The following ASB14 variants were observed in gnomAD, a reference collection of about 807,000 sequenced individuals.
The protein encoded by ASB14 is ankyrin repeat and SOCS box containing 14.
ASB14 carries 63 observed loss-of-function variants against 55.6 expected under a neutral mutation model. The ratio of observed to expected loss-of-function variants is 1.13; its 90% CI spans 0.92 to 1.40. The LOEUF (loss-of-function observed/expected upper bound fraction) is 1.40, where lower values mean the gene tolerates loss of function less well. Among genes scored for constraint, ASB14 ranks in the 40% most tolerant of loss-of-function variants. ASB14 has a pLI of 0.00. For synonymous variants in ASB14, 256 were observed against 259.9 expected (o/e 0.98, Z 0.15); for missense variants, 724 against 710.4 (o/e 1.02, Z -0.22).
chr3:57,289,552 A>G (rs1303048668), intron 2 of ASB14, among the ~76,000 whole-genome samples: 1 of 152,174 alleles, frequency 6.6e-6, no homozygotes, highest in African/African-American at 2.4e-5. Context: ...TCAGTATTAA[A>G]AAATATTCAC....
At chr3:57,289,438 A>G (rs912539650) in intron 2 of ASB14, among the ~76,000 whole-genome samples, 5 of 152,182 alleles carry the variant, frequency 3.3e-5, no homozygotes, top group Non-Finnish European at 7.4e-5. Context: ...AAGCCTGCCT[A>G]TGACTGAAAT....
chr3:57,283,034 T>C (rs2061051169), intron 6 of ASB14, 160 bp downstream of exon 6: 6 of 1,071,022 alleles, frequency 5.6e-6, no homozygotes, highest in Non-Finnish European at 7.8e-6. Context: ...TCAGTCTTTA[T>C]GTTAGGCTTC....
intron 2 of ASB14, among the ~76,000 whole-genome samples, chr3:57,289,899 G>A (rs571837570): frequency 3.2e-4 from 49 of 151,798 alleles, no homozygotes; most frequent in Non-Finnish European, 3.1e-4. Flanking sequence ...TGCTCGCCTC[G>A]GCCTCCCAAA....
intron 3 of ASB14, 104 bp downstream of exon 3, chr3:57,288,964 C>T (rs2061104862): frequency 2.4e-6 from 2 of 834,964 alleles, no homozygotes; most frequent in East Asian, 3.0e-5. Flanking sequence ...GCGATCCACC[C>T]ACCTTGGCCT....
At chr3:57,280,701 G>C (rs2061033489) in intron 6 of ASB14, among the ~76,000 whole-genome samples, 1 of 152,140 alleles carries the variant, frequency 6.6e-6, no homozygotes, top group African/African-American at 2.4e-5. Flanking sequence ...GTTAGTTTTT[G>C]AAGTAATTTG....
Position 57,277,726 on chromosome 3 carries a change from A to G in ASB14, c.1585+41T>C, listed in dbSNP as rs2061001085. ...AAAACAACCAAATAAGAATACAATT[A>G]GTACTTTTGTAAAAAGTCATTCTAT... On this transcript the variant is annotated intron_variant, in intron 9 of 10. Coordinates refer to ENST00000487349, the MANE Select transcript of ASB14 (RefSeq NM_001142733.3). The G allele has an allele frequency of 5.9e-6, 9 of 1,531,050 alleles. No individual in the cohort carries two copies. In the East Asian group the frequency reaches 1.8e-4, roughly 31 times the overall value. The allele number at this position is 1,531,050 out of a possible 1,614,324, so 94.8% of individuals were successfully genotyped here. A position where few individuals can be genotyped will look rare whatever the true frequency, so the allele number is the denominator to read the frequency against.
At chr3:57,283,460 T>C in intron 5 of ASB14, 21 bp from the exon 6 acceptor site, 2 of 1,547,290 alleles carry the variant, frequency 1.3e-6, no homozygotes, top group Non-Finnish European at 8.7e-7. Context: ...AGAAGTGTGG[T>C]GGGCATGTTC....
chr3:57,276,706 A>G lies in ASB14; in HGVS notation c.1608T>C (p.His536=). ...ATTTCCGGATCTTTAGGCGGCACAA[A>G]TGTTTTAGGGAGCGAGGGTTTGCTA... The part of the protein sequence containing the change: ...FILTNPRSLK[H]LCRLKIRKCM... Residue 536 remains histidine, a synonymous_variant, in exon 10 of 11, where the codon CAT becomes CAC. Transcript: ENST00000487349. 1 of 1,613,692 alleles carries G rather than the reference A, an allele frequency of 6.2e-7. No individual in the cohort carries two copies. Among genetic ancestry groups the G allele is most frequent in the Non-Finnish European group, 8.5e-7 (1 of 1,179,868 alleles).
chr3:57,269,688 G>A lies in ASB14; in HGVS notation c.*23-70C>T, dbSNP rs371334982. 6 of 1,613,486 alleles carry A rather than the reference G, an allele frequency of 3.7e-6. No individual in the cohort carries two copies. In the East Asian group the frequency reaches 1.1e-4, roughly 30 times the overall value. On this transcript the variant is annotated intron_variant, in intron 10 of 10. Coordinates refer to ENST00000487349, the MANE Select transcript of ASB14 (RefSeq NM_001142733.3). Reference sequence around the variant, plus strand: ...AAAGAAGAGAGAATCAGAAGCATAAGCTTATACTTTTGGTAGATATTCCCC... The same window carrying A: ...AAAGAAGAGAGAATCAGAAGCATAAACTTATACTTTTGGTAGATATTCCCC...
intron 5 of ASB14, among the ~76,000 whole-genome samples, chr3:57,285,044 G>A (rs552480683): frequency 4.7e-5 from 7 of 149,642 alleles, no homozygotes; most frequent in Non-Finnish European, 7.4e-5. Context: ...TGGTTCAAGC[G>A]ATTCTCCTGC....
At chr3:57,287,846 G>A (rs938637403) in intron 5 of ASB14, 55 bp downstream of exon 5, 2 of 1,507,488 alleles carry the variant, frequency 1.3e-6, no homozygotes, top group African/African-American at 1.4e-5. Flanking sequence ...GAAACCTGGG[G>A]GCATGAAGGA....
Position 57,289,085 on chromosome 3 carries a change from A to G in ASB14, c.161T>C (p.Val54Ala). Residue 54 changes from valine (V) to alanine (A), a missense_variant, in exon 3 of 11, where the codon GTT becomes GCT. Physicochemically the swap from Val to Ala is moderately conservative, Grantham distance 64. Coordinates refer to ENST00000487349, the MANE Select transcript of ASB14 (RefSeq NM_001142733.3). ...GTACTTAACTTTCTCTATTGTTTCA[A>G]CTATCTTCTTATAGTCAGCGCTCAA... ...SFLSADYKKI[V>A]ETIEKGKEDA... 2.6e-6 allele frequency: 4 copies of G among 1,528,470 alleles called. No homozygotes were observed. Among genetic ancestry groups the G allele is most frequent in the Non-Finnish European group, 3.5e-6 (4 of 1,139,048 alleles). The allele number at this position is 1,528,470 out of a possible 1,614,324, so 94.7% of individuals were successfully genotyped here. A position where few individuals can be genotyped will look rare whatever the true frequency, so the allele number is the denominator to read the frequency against.
At chr3:57,287,783 G>T in intron 5 of ASB14, 118 bp downstream of exon 5, 1 of 1,151,192 alleles carries the variant, frequency 8.7e-7, no homozygotes, top group Non-Finnish European at 1.2e-6. Context: ...CCCATGTCTG[G>T]TCAGTTGGGA....
intron 5 of ASB14, among the ~76,000 whole-genome samples, chr3:57,286,050 G>C (rs2061078654): frequency 6.6e-6 from 1 of 152,152 alleles, no homozygotes; most frequent in South Asian, 2.1e-4. Flanking sequence ...TGTCAGATTT[G>C]AGAGTTGGAG....
Position 57,269,597 on chromosome 3 carries a change from T to C in ASB14, c.*44A>G, listed in dbSNP as rs1426948744. The C allele has an allele frequency of 1.2e-6, 2 of 1,613,854 alleles. No homozygotes were observed. The highest frequency in any genetic ancestry group is 8.5e-7 in the Non-Finnish European group (1 of 1,179,994). The stretch of plus-strand genomic sequence containing the variant: ...CTTCCAGTAGACCAAACCAAGCCAG[T>C]AGTGAGGGGCAGTTTGTTGTCCTTA... On this transcript the variant is annotated 3_prime_UTR_variant, in exon 11 of 11. Coordinates refer to ENST00000487349, the MANE Select transcript of ASB14 (RefSeq NM_001142733.3).
rs1038420266 is a variant in ASB14, at chr3:57,268,529, A to G, written c.*1112T>C. 1 of 1,542,552 alleles carries G rather than the reference A, an allele frequency of 6.5e-7. No homozygotes were observed. The highest frequency in any genetic ancestry group is 8.7e-7 in the Non-Finnish European group (1 of 1,149,882). On this transcript the variant is annotated 3_prime_UTR_variant, in exon 11 of 11. Transcript: ENST00000487349. Reference sequence around the variant, plus strand: ...TCTGGATCTTTATGTGTTGTTTGTGAAGACTTAATTCAGCACTATGACTTT... The same window carrying G: ...TCTGGATCTTTATGTGTTGTTTGTGGAGACTTAATTCAGCACTATGACTTT...
At chr3:57,287,079 T>G (rs532946748) in intron 5 of ASB14, among the ~76,000 whole-genome samples, 3 of 152,374 alleles carry the variant, frequency 2.0e-5, no homozygotes, top group African/African-American at 7.2e-5. Context: ...ACAATTTCCC[T>G]TTAAATTTTA....
At chr3:57,285,406 A>G (rs768885552) in intron 5 of ASB14, among the ~76,000 whole-genome samples, 10 of 151,946 alleles carry the variant, frequency 6.6e-5, no homozygotes, top group Non-Finnish European at 1.3e-4. Flanking sequence ...ACCTGCTTGT[A>G]TTGATACTTG....
chr3:57,270,951 T>A (rs2060933780), intron 10 of ASB14: 1 of 152,016 alleles, frequency 6.6e-6, no homozygotes, highest in Admixed American at 6.6e-5. Flanking sequence ...TAAACCTTAA[T>A]TTTTTTTCTG....
Sources: gnomAD v4.1 joint callset for allele counts (sites outside exome capture counted in the v4.1 genomes callset) on GRCh38, gnomAD v4.1.1 for gene constraint, MANE v1.5 for transcripts, NCBI Gene and HGNC (gene_info 2026-07-23, HGNC 2026-07-21) for gene names.